The following PTPRG variants were observed in gnomAD, a reference collection of about 807,000 sequenced individuals.
PTPRG encodes protein tyrosine phosphatase receptor type G, also known as receptor-type tyrosine-protein phosphatase gamma.
In PTPRG, 102 loss-of-function variants were observed where a neutral mutation model predicts 165.3. That is an observed-to-expected ratio of 0.62 (90% CI 0.53 to 0.73). The LOEUF is 0.73. PTPRG is among the 30% of genes least tolerant of loss of function. The probability of loss-of-function intolerance (pLI) is 0.00; values close to 1 mark genes in which losing one functional copy is unlikely to be tolerated. For missense variants in PTPRG, 1,866 were observed against 1,861.4 expected (o/e 1.00, Z -0.05); for synonymous variants, 675 against 669.5 (o/e 1.01, Z -0.13).
At chr3:61,577,931 G>C (rs1275162399) in intron 1 of PTPRG, among the ~76,000 whole-genome samples, 1 of 152,206 alleles carries the variant, frequency 6.6e-6, no homozygotes, top group Non-Finnish European at 1.5e-5. Flanking sequence ...AGCTTTGTGT[G>C]CCTGTTTACC....
intron 1 of PTPRG, among the ~76,000 whole-genome samples, chr3:61,734,736 T>G (rs918738096): frequency 2.6e-5 from 4 of 152,222 alleles, no homozygotes; most frequent in African/African-American, 7.2e-5. Flanking sequence ...AACTGCCTTT[T>G]TGTTCTCCTT....
chr3:62,135,011 G>T (rs1466699606), intron 6 of PTPRG, among the ~76,000 whole-genome samples: 1 of 152,166 alleles, frequency 6.6e-6, no homozygotes, highest in Non-Finnish European at 1.5e-5. Context: ...AGTGGCTCAT[G>T]CCTATAATCC....
At chr3:61,751,756 C>A (rs1258869985) in intron 2 of PTPRG, among the ~76,000 whole-genome samples, 1 of 152,128 alleles carries the variant, frequency 6.6e-6, no homozygotes, top group African/African-American at 2.4e-5. Flanking sequence ...TTTGGGAGGC[C>A]GAGGTGGGCG....
chr3:62,012,382 T>G (rs2041444806), intron 4 of PTPRG, among the ~76,000 whole-genome samples: 1 of 152,326 alleles, frequency 6.6e-6, no homozygotes, highest in East Asian at 1.9e-4. Flanking sequence ...TAGGTAGAAG[T>G]CATTTTTTCA....
chr3:61,854,665 T>A (rs1267118674), intron 2 of PTPRG, among the ~76,000 whole-genome samples: 2 of 152,170 alleles, frequency 1.3e-5, no homozygotes, highest in South Asian at 4.1e-4. Context: ...TAGATATAGA[T>A]GAGATACAGG....
At chr3:61,860,497 C>G (rs943317760) in intron 2 of PTPRG, among the ~76,000 whole-genome samples, 4 of 130,880 alleles carry the variant, frequency 3.1e-5, no homozygotes, top group Non-Finnish European at 6.2e-5. Context: ...CTGGAGTGCA[C>G]TGGCACAATC....
chr3:61,870,659 G>T (rs769426853), intron 2 of PTPRG, among the ~76,000 whole-genome samples: 6 of 150,758 alleles, frequency 4.0e-5, no homozygotes, highest in Non-Finnish European at 8.8e-5. Flanking sequence ...GGGATTACAG[G>T]CATGAGCCAT....
At chr3:62,036,983 GCACACA>G (rs10587372) in intron 4 of PTPRG, among the ~76,000 whole-genome samples, 280 of 150,540 alleles carry the variant, frequency 1.9e-3, no homozygotes, top group Non-Finnish European at 2.6e-3. Flanking sequence ...GCGCGCGCAC[GCACACA>G]CACACACACA....
At chr3:62,044,553 A>G (rs981920221) in intron 4 of PTPRG, among the ~76,000 whole-genome samples, 2 of 152,156 alleles carry the variant, frequency 1.3e-5, no homozygotes, top group Non-Finnish European at 1.5e-5. Context: ...AAAAAAGGAA[A>G]AAAAATGGCT....
rs879226154 is a variant in PTPRG, at chr3:61,739,348, A to G, written c.86-9530A>G. ...ATGATTTTATCTTAGACAATTGCCA[A>G]TAGTGGTGGAAAGACTAACCTAGAC... On this transcript the variant is annotated intron_variant, in intron 1 of 29. Transcript: ENST00000474889. 7 of 152,304 alleles carry G rather than the reference A, an allele frequency of 4.6e-5. No individual in the cohort carries two copies. In the East Asian group the frequency reaches 7.7e-4, roughly 17 times the overall value. 9.4% of individuals were successfully genotyped at this position (152,304 alleles called of 1,614,324 possible).
At chr3:62,109,176 A>G (rs1702579829) in intron 5 of PTPRG, among the ~76,000 whole-genome samples, 1 of 152,190 alleles carries the variant, frequency 6.6e-6, no homozygotes, top group East Asian at 1.9e-4. Context: ...TTATGGTCCT[A>G]GGTCTTACAT....
At chr3:61,634,042 G>C (rs1166700319) in intron 1 of PTPRG, among the ~76,000 whole-genome samples, 1 of 151,828 alleles carries the variant, frequency 6.6e-6, no homozygotes, top group Admixed American at 6.6e-5. Flanking sequence ...AGTCTCCCAA[G>C]TAGCTGGGAT....
At chr3:62,204,394 A>G (rs1362683075) in intron 12 of PTPRG, among the ~76,000 whole-genome samples, 3 of 152,210 alleles carry the variant, frequency 2.0e-5, no homozygotes, top group African/African-American at 7.2e-5. Flanking sequence ...GGGAAGGCAG[A>G]CAGATGACAA....
chr3:61,656,381 C>T (rs1702510720), intron 1 of PTPRG, among the ~76,000 whole-genome samples: 1 of 152,168 alleles, frequency 6.6e-6, no homozygotes, highest in South Asian at 2.1e-4. Context: ...GCCTCCATAG[C>T]CCCCAATTTA....
intron 1 of PTPRG, among the ~76,000 whole-genome samples, chr3:61,562,766 G>A (rs1401142031): frequency 3.9e-5 from 6 of 152,186 alleles, no homozygotes; most frequent in Non-Finnish European, 7.3e-5. Flanking sequence ...TGTGGGTTTG[G>A]GGGGCCCGGG....
At chr3:62,202,395 G>A (rs1027417646) in intron 11 of PTPRG, among the ~76,000 whole-genome samples, 1 of 152,164 alleles carries the variant, frequency 6.6e-6, no homozygotes. Flanking sequence ...GCAAAATGGG[G>A]TGATGATCAT....
At chr3:62,116,077 G>T (rs1702856437) in intron 5 of PTPRG, among the ~76,000 whole-genome samples, 1 of 152,152 alleles carries the variant, frequency 6.6e-6, no homozygotes, top group East Asian at 1.9e-4. Context: ...TGTTGTCAGA[G>T]TTTGGGGAAT....
intron 25 of PTPRG, 54 bp from the exon 26 acceptor site, chr3:62,277,497 A>G: frequency 5.7e-6 from 9 of 1,572,906 alleles, no homozygotes; most frequent in Middle Eastern, 1.7e-4. Context: ...TACTACCACA[A>G]AGTTAGAATA....
At chr3:62,010,058 C>CA (rs2041383887) in intron 4 of PTPRG, among the ~76,000 whole-genome samples, 2 of 152,090 alleles carry the variant, frequency 1.3e-5, no homozygotes, top group South Asian at 4.1e-4. Flanking sequence ...GCTGGGGCTA[C>CA]AACCACACAC....
Sources: gnomAD v4.1 joint callset for allele counts (sites outside exome capture counted in the v4.1 genomes callset) on GRCh38, gnomAD v4.1.1 for gene constraint, MANE v1.5 for transcripts, NCBI Gene and HGNC (gene_info 2026-07-23, HGNC 2026-07-21) for gene names.